Variants in SDC2 observed in about 807,000 individuals in gnomAD.
The protein encoded by SDC2 is syndecan-2.
SDC2 carries 13 observed loss-of-function variants against 22.2 expected under a neutral mutation model. The ratio of observed to expected loss-of-function variants is 0.59; its 90% CI spans 0.38 to 0.93. The LOEUF is 0.93. Ranked by LOEUF, SDC2 falls within the 40% of genes least tolerant of loss-of-function variation. The probability of loss-of-function intolerance (pLI) is 0.00; values close to 1 mark genes in which losing one functional copy is unlikely to be tolerated. For synonymous variants in SDC2, 94 were observed against 92.8 expected (o/e 1.01, Z -0.07); for missense variants, 235 against 246.8 (o/e 0.95, Z 0.32).
At chr8:96,498,691 G>A (rs1813113303) in intron 1 of SDC2, among the ~76,000 whole-genome samples, 2 of 152,038 alleles carry the variant, frequency 1.3e-5, no homozygotes, top group Non-Finnish European at 2.9e-5. Flanking sequence ...GGGTTTCAAC[G>A]TGTTGGCCAG....
intron 1 of SDC2, among the ~76,000 whole-genome samples, chr8:96,576,772 A>T (rs1056536544): frequency 6.6e-6 from 1 of 152,010 alleles, no homozygotes; most frequent in African/African-American, 2.4e-5. Flanking sequence ...ATTGACAGTA[A>T]ATTTCAGTGA....
intron 1 of SDC2, among the ~76,000 whole-genome samples, chr8:96,560,169 T>A (rs1168362997): frequency 6.6e-6 from 1 of 152,168 alleles, no homozygotes; most frequent in Non-Finnish European, 1.5e-5. Flanking sequence ...TTTCCAGTCC[T>A]AGGCTATCAC....
At chr8:96,571,041 A>G (rs925592163) in intron 1 of SDC2, among the ~76,000 whole-genome samples, 7 of 152,196 alleles carry the variant, frequency 4.6e-5, no homozygotes, top group African/African-American at 1.7e-4. Context: ...TACACTTGAA[A>G]CTAGTTCAAA....
At chr8:96,514,977 C>G (rs1351717178) in intron 1 of SDC2, among the ~76,000 whole-genome samples, 1 of 152,136 alleles carries the variant, frequency 6.6e-6, no homozygotes, top group Non-Finnish European at 1.5e-5. Context: ...CCTGTGCTAG[C>G]GCTCACTTCC....
chr8:96,584,523 C>G (rs1814648956), intron 1 of SDC2, among the ~76,000 whole-genome samples: 1 of 152,146 alleles, frequency 6.6e-6, no homozygotes, highest in Non-Finnish European at 1.5e-5. Context: ...AAATAAATTC[C>G]AAATATTTTT....
chr8:96,541,562 C>T (rs1016712090), intron 1 of SDC2, among the ~76,000 whole-genome samples: 6 of 147,302 alleles, frequency 4.1e-5, no homozygotes, highest in African/African-American at 1.3e-4. Context: ...ACTTTGAGGA[C>T]GTTATACTAA....
chr8:96,572,566 A>G (rs1439977985), intron 1 of SDC2, among the ~76,000 whole-genome samples: 1 of 152,104 alleles, frequency 6.6e-6, no homozygotes, highest in African/African-American at 2.4e-5. Flanking sequence ...ATTTCCTCAT[A>G]ACCTAGGTGC....
At chr8:96,512,924 T>C (rs1211422909) in intron 1 of SDC2, among the ~76,000 whole-genome samples, 2 of 152,242 alleles carry the variant, frequency 1.3e-5, no homozygotes, top group Non-Finnish European at 2.9e-5. Context: ...ACGATGAGTG[T>C]TGGAGAGATG....
chr8:96,546,741 G>A (rs980092814), intron 1 of SDC2, among the ~76,000 whole-genome samples: 3 of 152,192 alleles, frequency 2.0e-5, no homozygotes, highest in African/African-American at 7.2e-5. Flanking sequence ...GTTTGGAGCT[G>A]GGGAGAAAGC....
chr8:96,525,499 G>A (rs1813563418), intron 1 of SDC2, among the ~76,000 whole-genome samples: 1 of 152,102 alleles, frequency 6.6e-6, no homozygotes, highest in Non-Finnish European at 1.5e-5. Flanking sequence ...GCGTTGCTTG[G>A]GGGCATGGAG....
chr8:96,576,379 G>GGTTTTTTTTTTTTT (rs1554604674), intron 1 of SDC2, among the ~76,000 whole-genome samples: 1 of 47,564 alleles, frequency 2.1e-5, no homozygotes, highest in Admixed American at 2.6e-4. Context: ...TTTTTGTTTT[G>GGTTTTTTTTTTTTT]TTTTGTTTTT....
At chr8:96,579,868 T>C (rs183848920) in intron 1 of SDC2, among the ~76,000 whole-genome samples, 2 of 152,370 alleles carry the variant, frequency 1.3e-5, no homozygotes, top group Admixed American at 1.3e-4. Flanking sequence ...ATTTAGATAC[T>C]GTTTCATGTT....
At chr8:96,563,093 G>A (rs777602804) in intron 1 of SDC2, among the ~76,000 whole-genome samples, 3 of 152,100 alleles carry the variant, frequency 2.0e-5, no homozygotes, top group South Asian at 2.1e-4. Flanking sequence ...CACGCTGTCC[G>A]TATCTCAGAC....
chr8:96,590,890 G>C (rs533358610), intron 1 of SDC2, among the ~76,000 whole-genome samples: 1 of 152,236 alleles, frequency 6.6e-6, no homozygotes, highest in South Asian at 2.1e-4. Context: ...GAGACCACCC[G>C]GGAGCCCTGT....
At chr8:96,603,369 A>G (rs1024641151) in intron 3 of SDC2, among the ~76,000 whole-genome samples, 9 of 152,238 alleles carry the variant, frequency 5.9e-5, no homozygotes, top group Non-Finnish European at 8.8e-5. Flanking sequence ...GTGGAGCAGA[A>G]GAGACCAAGC....
In SDC2 at chr8:96,534,049, C is replaced by T. The variant is rs115363281; in HGVS notation, c.60+39718C>T. ...AGTGCACCCTCCGCTGCTGCTGGCCCGGGTGTTAAGCCCCTCACTGCCCGG... is the reference window on the plus strand; with the variant it reads ...AGTGCACCCTCCGCTGCTGCTGGCCTGGGTGTTAAGCCCCTCACTGCCCGG... On this transcript the variant is annotated intron_variant, in intron 1 of 4. Coordinates refer to ENST00000302190, the MANE Select transcript of SDC2 (RefSeq NM_002998.4). Among the ~76,000 whole-genome samples the T allele has an allele frequency of 3.4e-3, 516 of 152,310 alleles. 3 individuals carry two copies. Among genetic ancestry groups the T allele is most frequent in the African/African-American group, 0.011 (466 of 41,572 alleles).
intron 1 of SDC2, among the ~76,000 whole-genome samples, chr8:96,499,776 CAATGAAATG>C (rs1586265418): frequency 7.0e-6 from 1 of 143,458 alleles, no homozygotes; most frequent in South Asian, 2.2e-4. Context: ...TTTTTTTTGG[CAATGAAATG>C]AATGAAATGA....
At chr8:96,565,233 C>T (rs533414685) in intron 1 of SDC2, among the ~76,000 whole-genome samples, 5 of 150,330 alleles carry the variant, frequency 3.3e-5, no homozygotes, top group Admixed American at 6.6e-5. Context: ...TACAGGCGTG[C>T]GCCACCACAC....
At chr8:96,599,687 TAA>T in intron 2 of SDC2, among the ~76,000 whole-genome samples, 1 of 152,314 alleles carries the variant, frequency 6.6e-6, no homozygotes, top group East Asian at 1.9e-4. Flanking sequence ...ATTACTTGCC[TAA>T]GAGTACAGAG....
Sources: gnomAD v4.1 joint callset for allele counts (sites outside exome capture counted in the v4.1 genomes callset) on GRCh38, gnomAD v4.1.1 for gene constraint, MANE v1.5 for transcripts, NCBI Gene and HGNC (gene_info 2026-07-23, HGNC 2026-07-21) for gene names.